The following GJB7 variants were observed in gnomAD, a reference collection of about 807,000 sequenced individuals.
The protein encoded by GJB7 is gap junction beta-7 protein.
For synonymous variants in GJB7, 87 were observed against 95.2 expected, an observed-to-expected ratio of 0.91 and a Z score of 0.50; for missense variants, 253 against 256.8, an observed-to-expected ratio of 0.99 and a Z score of 0.10.
intron 2 of GJB7, among the ~76,000 whole-genome samples, chr6:87,297,122 T>TA (rs1472025852): frequency 1.3e-5 from 2 of 152,198 alleles, no homozygotes; most frequent in Non-Finnish European, 2.9e-5. Flanking sequence ...TCCTGTTAGA[T>TA]AGAGTTGGAG....
chr6:87,286,019 CT>C (rs1396419888), intron 2 of GJB7, among the ~76,000 whole-genome samples: 1 of 152,184 alleles, frequency 6.6e-6, no homozygotes, highest in Non-Finnish European at 1.5e-5. Context: ...ACTCTACCCT[CT>C]CTTCTTGTTT....
At chr6:87,302,309 T>A (rs1353645171) in intron 2 of GJB7, among the ~76,000 whole-genome samples, 2 of 152,112 alleles carry the variant, frequency 1.3e-5, no homozygotes, top group East Asian at 3.9e-4. Context: ...CTAACTAGAA[T>A]AACCAGTGTA....
At chr6:87,314,208 T>C (rs755228746) in intron 2 of GJB7, among the ~76,000 whole-genome samples, 1 of 152,212 alleles carries the variant, frequency 6.6e-6, no homozygotes, top group Non-Finnish European at 1.5e-5. Context: ...ATTAGAACAT[T>C]GATACTGGCA....
At chr6:87,314,128 G>T (rs1776549039) in intron 2 of GJB7, among the ~76,000 whole-genome samples, 1 of 152,196 alleles carries the variant, frequency 6.6e-6, no homozygotes, top group African/African-American at 2.4e-5. Flanking sequence ...GGCACTGTAT[G>T]GTAAGCAGCA....
intron 2 of GJB7, among the ~76,000 whole-genome samples, chr6:87,309,880 T>A (rs1031388872): frequency 6.6e-6 from 1 of 151,952 alleles, no homozygotes; most frequent in African/African-American, 2.4e-5. Flanking sequence ...TTATGAGGGG[T>A]TGTCTGTGCT....
rs9450657 is a variant in GJB7 at position 87,325,892 on chromosome 6, C to G, written c.-205-2849G>C. On this transcript the variant is annotated intron_variant, in intron 1 of 2. Transcript: ENST00000525899. ...TAGAATTCGGCTGTGAAGCCATCTG[C>G]TCCTGGACTCTTTTTGGTTGGTAAG... Among the ~76,000 whole-genome samples the G allele has an allele frequency of 6.2e-3, 945 of 152,224 alleles. 8 individuals carry two copies. The highest frequency in any genetic ancestry group is 0.018 in the African/African-American group (747 of 41,516).
chr6:87,303,019 T>G (rs1469567907), intron 2 of GJB7, among the ~76,000 whole-genome samples: 1 of 152,202 alleles, frequency 6.6e-6, no homozygotes, highest in East Asian at 1.9e-4. Flanking sequence ...CAAGAGCTCC[T>G]GAAGAAGCAC....
intron 2 of GJB7, among the ~76,000 whole-genome samples, chr6:87,308,755 C>T (rs1303418013): frequency 6.6e-6 from 1 of 151,642 alleles, no homozygotes; most frequent in Non-Finnish European, 1.5e-5. Context: ...TGAGGCATAT[C>T]GTGATAAGAC....
chr6:87,304,911 C>G (rs368955123), intron 2 of GJB7, among the ~76,000 whole-genome samples: 1 of 152,082 alleles, frequency 6.6e-6, no homozygotes, highest in Non-Finnish European at 1.5e-5. Flanking sequence ...ATAAACAGAA[C>G]CAAAGACAAA....
rs189175175 is a variant in GJB7 at position 87,284,706 on chromosome 6, G to A, written c.207C>T (p.Phe69=). Residue 69 remains phenylalanine, a synonymous_variant, in exon 3 of 3, where the codon TTC becomes TTT. Transcript: ENST00000525899. ...CCCAAAGTCTGACTTGGGAAATGGG[G>A]AAGAAGTCATCAAAACACACATTTT... ...GCKNVCFDDF[F]PISQVRLWAL... The A allele has an allele frequency of 1.7e-5, 28 of 1,614,142 alleles. No individual in the cohort carries two copies. The African/African-American group carries it at 3.1e-4, about 18-fold the overall frequency.
Position 87,307,093 on chromosome 6 carries a change from G to A in GJB7, c.-28+15773C>T, listed in dbSNP as rs1776440255. Among the ~76,000 whole-genome samples the A allele has an allele frequency of 2.0e-5, 3 of 151,772 alleles. No individual in the cohort carries two copies. In the South Asian group the frequency reaches 6.2e-4, roughly 32 times the overall value. ...AATGCTAAATGACGAGTTAATGGGT[G>A]CAGCACACCAGCATGGCACATGTAT... On this transcript the variant is annotated intron_variant, in intron 2 of 2. Coordinates refer to ENST00000525899, the MANE Select transcript of GJB7 (RefSeq NM_198568.3).
chr6:87,292,200 A>T (rs1400606995), intron 2 of GJB7, among the ~76,000 whole-genome samples: 1 of 152,268 alleles, frequency 6.6e-6, no homozygotes, highest in Non-Finnish European at 1.5e-5. Context: ...ATATACACGC[A>T]GTTCATTGAA....
intron 2 of GJB7, among the ~76,000 whole-genome samples, chr6:87,311,941 T>C (rs1474190181): frequency 6.6e-6 from 1 of 152,110 alleles, no homozygotes; most frequent in Non-Finnish European, 1.5e-5. Context: ...AATGAACTAA[T>C]AAATGCATCA....
At chr6:87,304,578 C>A (rs1300731856) in intron 2 of GJB7, among the ~76,000 whole-genome samples, 1 of 152,134 alleles carries the variant, frequency 6.6e-6, no homozygotes, top group Non-Finnish European at 1.5e-5. Context: ...GTATTCACAG[C>A]CAAATTCTAC....
chr6:87,308,158 T>C (rs1021611130), intron 2 of GJB7, among the ~76,000 whole-genome samples: 5 of 150,404 alleles, frequency 3.3e-5, no homozygotes, highest in Non-Finnish European at 7.4e-5. Context: ...TTCTCACTTA[T>C]AGGTGGGAAT....
chr6:87,284,971 T>G (rs1240580164), intron 2 of GJB7, 32 bp from the exon 3 acceptor site: 3 of 1,305,902 alleles, frequency 2.3e-6, no homozygotes, highest in African/African-American at 3.0e-5. Context: ...TCAGGATCCA[T>G]TTATTTCTAT....
intron 2 of GJB7, among the ~76,000 whole-genome samples, chr6:87,296,432 T>G (rs2127900987): frequency 6.6e-6 from 1 of 152,324 alleles, no homozygotes; most frequent in South Asian, 2.1e-4. Flanking sequence ...CCCTGTAGAT[T>G]AATATATGAA....
chr6:87,285,024 A>G (rs1776037116), intron 2 of GJB7, 85 bp from the exon 3 acceptor site: 1 of 878,062 alleles, frequency 1.1e-6, no homozygotes, highest in South Asian at 1.8e-5. Context: ...TGTAAGATAA[A>G]TTACAATTTC....
At chr6:87,327,886 G>T (rs1172900458) in intron 1 of GJB7, among the ~76,000 whole-genome samples, 1 of 149,780 alleles carries the variant, frequency 6.7e-6, no homozygotes, top group Non-Finnish European at 1.5e-5. Context: ...TCACTTTCAG[G>T]TACACCAATC....
Sources: allele counts gnomAD v4.1 joint callset (sites outside exome capture counted in the v4.1 genomes callset), GRCh38; gene constraint gnomAD v4.1.1; transcripts MANE v1.5; gene names NCBI Gene and HGNC (gene_info 2026-07-23, HGNC 2026-07-21).